GPC5: variants seen among roughly 807,000 people sequenced by gnomAD.
GPC5 encodes glypican-5.
In GPC5, 47 loss-of-function variants were observed where a neutral mutation model predicts 53.9. That is an observed-to-expected ratio of 0.87 (90% CI 0.69 to 1.11). GPC5 has a LOEUF of 1.11. Ranked by LOEUF, GPC5 falls within the 50% of genes most tolerant of loss-of-function variation. The pLI is 0.00. For missense variants in GPC5, 748 were observed against 713.1 expected (o/e 1.05, Z -0.56); for synonymous variants, 286 against 263.3 (o/e 1.09, Z -0.84).
chr13:91,783,335 G>T (rs995119685), intron 5 of GPC5, among the ~76,000 whole-genome samples: 1 of 152,154 alleles, frequency 6.6e-6, no homozygotes, highest in Non-Finnish European at 1.5e-5. Context: ...AATTGGTGAA[G>T]TAAAACTTTT....
chr13:92,187,866 G>C (rs1017417920), intron 7 of GPC5, among the ~76,000 whole-genome samples: 1 of 152,178 alleles, frequency 6.6e-6, no homozygotes, highest in African/African-American at 2.4e-5. Flanking sequence ...CTCATGTAAA[G>C]AACAGTATGA....
chr13:92,415,318 G>A (rs1331991501), intron 7 of GPC5, among the ~76,000 whole-genome samples: 1 of 152,196 alleles, frequency 6.6e-6, no homozygotes, highest in Non-Finnish European at 1.5e-5. Context: ...TGAAAGACCA[G>A]TTAGAAAATA....
chr13:91,434,902 C>T (rs57187095), intron 1 of GPC5, among the ~76,000 whole-genome samples: 11,541 of 152,150 alleles, frequency 0.076, 1,415 homozygotes, highest in African/African-American at 0.26. Flanking sequence ...AGGTCCTTCA[C>T]GTCCCTTGTA....
chr13:91,712,193 C>A (rs2036239744), intron 3 of GPC5, among the ~76,000 whole-genome samples: 1 of 151,754 alleles, frequency 6.6e-6, no homozygotes. Context: ...CCATTTTATT[C>A]AATGATTTAT....
intron 7 of GPC5, among the ~76,000 whole-genome samples, chr13:92,146,853 G>A (rs2041871004): frequency 1.3e-5 from 2 of 151,860 alleles, no homozygotes; most frequent in South Asian, 4.1e-4. Flanking sequence ...TTCCCTTTAT[G>A]GCTGAATAGT....
intron 7 of GPC5, among the ~76,000 whole-genome samples, chr13:92,314,380 C>G (rs538796884): frequency 6.6e-6 from 1 of 152,114 alleles, no homozygotes; most frequent in Non-Finnish European, 1.5e-5. Flanking sequence ...AGTCACACCC[C>G]AAAGAGATAA....
intron 7 of GPC5, among the ~76,000 whole-genome samples, chr13:92,247,046 C>T (rs9523547): frequency 0.29 from 44,246 of 151,896 alleles, 6,858 homozygotes; most frequent in South Asian, 0.44. Context: ...TTATTAAAGA[C>T]CAGCAGTGTT....
At chr13:91,816,342 G>A (rs2038399970) in intron 5 of GPC5, among the ~76,000 whole-genome samples, 1 of 152,082 alleles carries the variant, frequency 6.6e-6, no homozygotes, top group Non-Finnish European at 1.5e-5. Context: ...GAGGATTCTC[G>A]GTTGTGCTTC....
At chr13:91,932,314 A>G (rs1008065592) in intron 6 of GPC5, among the ~76,000 whole-genome samples, 3 of 152,066 alleles carry the variant, frequency 2.0e-5, no homozygotes, top group African/African-American at 7.2e-5. Flanking sequence ...TTTCTAAATG[A>G]TTTCTGGATC....
At chr13:91,431,573 T>G (rs1351539471) in intron 1 of GPC5, among the ~76,000 whole-genome samples, 1 of 152,242 alleles carries the variant, frequency 6.6e-6, no homozygotes, top group Non-Finnish European at 1.5e-5. Flanking sequence ...TAAAACACTC[T>G]GACCACAAAC....
intron 6 of GPC5, among the ~76,000 whole-genome samples, chr13:92,117,509 T>G (rs1392445168): frequency 6.6e-6 from 1 of 152,198 alleles, no homozygotes; most frequent in East Asian, 1.9e-4. Context: ...TTGTTGATAT[T>G]TACCAAGAAA....
At chr13:92,554,347 A>T (rs925910183) in intron 7 of GPC5, among the ~76,000 whole-genome samples, 3 of 151,920 alleles carry the variant, frequency 2.0e-5, no homozygotes, top group Non-Finnish European at 4.4e-5. Flanking sequence ...ACAGTGAAGC[A>T]TACTGATTCT....
chr13:91,748,218 C>G (rs1254055188), intron 4 of GPC5, among the ~76,000 whole-genome samples: 1 of 152,204 alleles, frequency 6.6e-6, no homozygotes, highest in Non-Finnish European at 1.5e-5. Flanking sequence ...AGCAGTGCAA[C>G]TAAATATTAA....
intron 7 of GPC5, among the ~76,000 whole-genome samples, chr13:92,213,086 C>A (rs1478945955): frequency 1.3e-5 from 2 of 152,090 alleles, no homozygotes; most frequent in African/African-American, 4.8e-5. Flanking sequence ...CTGCAACAGC[C>A]CAGAAGAAAG....
intron 2 of GPC5, among the ~76,000 whole-genome samples, chr13:91,679,548 G>T (rs1033766479): frequency 6.6e-6 from 1 of 152,154 alleles, no homozygotes; most frequent in Non-Finnish European, 1.5e-5. Flanking sequence ...TCATAATACT[G>T]TGAAGTCATG....
At chr13:92,387,069 T>C (rs530486484) in intron 7 of GPC5, among the ~76,000 whole-genome samples, 1 of 152,224 alleles carries the variant, frequency 6.6e-6, no homozygotes, top group Admixed American at 6.5e-5. Flanking sequence ...GAAGATCATG[T>C]GCTGCATGAC....
chr13:92,657,579 G>GTTTTTTTTTTTTTTTTTTTTTTTTTTTT (rs67038073), intron 7 of GPC5, among the ~76,000 whole-genome samples: 2 of 106,732 alleles, frequency 1.9e-5, no homozygotes, highest in Non-Finnish European at 3.6e-5. Flanking sequence ...AGGTTTTTTG[G>GTTTTTTTTTTTTTTTTTTTTTTTTTTTT]TTTTTTTTTT....
intron 2 of GPC5, among the ~76,000 whole-genome samples, chr13:91,628,652 C>A (rs887972003): frequency 6.6e-6 from 1 of 152,142 alleles, no homozygotes; most frequent in East Asian, 1.9e-4. Flanking sequence ...TACCTCTTTG[C>A]AGTTTTATGA....
In GPC5 at chr13:91,557,187, C is replaced by T. The variant is rs534939181; in HGVS notation, c.325+108265C>T. Among the ~76,000 whole-genome samples the T allele has an allele frequency of 3.9e-5, 6 of 152,140 alleles. No individual in the cohort carries two copies. The East Asian group carries it at 5.8e-4, about 15-fold the overall frequency. ...CTTGCCAGCTATGTATGAGCGATTC[C>T]GTTTCTCTGCATCCTCGCCATCATT... is the stretch of plus-strand genomic sequence containing the variant. On this transcript the variant is annotated intron_variant, in intron 2 of 7. Transcript: ENST00000377067.
Sources: allele counts gnomAD v4.1 joint callset (sites outside exome capture counted in the v4.1 genomes callset), GRCh38; gene constraint gnomAD v4.1.1; transcripts MANE v1.5; gene names NCBI Gene and HGNC (gene_info 2026-07-23, HGNC 2026-07-21).